Variants in TRMT44 observed in about 807,000 individuals in gnomAD.
TRMT44 encodes tRNA methyltransferase 44 homolog, also known as probable tRNA (uracil-O(2)-)-methyltransferase.
TRMT44 carries 78 observed loss-of-function variants against 77.3 expected under a neutral mutation model. The observed-to-expected ratio is 1.01, with a 90% CI of 0.84 to 1.22. TRMT44 has a LOEUF of 1.22. TRMT44 is among the 50% of genes most tolerant of loss of function. TRMT44 has a pLI of 0.00. For synonymous variants in TRMT44, 391 were observed against 383.3 expected (o/e 1.02, Z -0.23); for missense variants, 1,090 against 964.4 (o/e 1.13, Z -1.73).
At chr4:8,497,358 G>A (rs1728177364), downstream of TRMT44, among the ~76,000 whole-genome samples, 1 of 152,190 alleles carries the variant, frequency 6.6e-6, no homozygotes, top group Non-Finnish European at 1.5e-5. Flanking sequence ...TAAAAACCCT[G>A]CTCTGGGCCG....
rs375450341 is a variant in TRMT44, at chr4:8,471,119, G to C, written c.1963G>C (p.Asp655His). 6.2e-7 allele frequency: 1 copy of C among 1,608,008 alleles called. No individual in the cohort carries two copies. Among genetic ancestry groups the C allele is most frequent in the African/African-American group, 1.3e-5 (1 of 74,420 alleles). Residue 655 changes from aspartate (D) to histidine (H), a missense_variant, in exon 10 of 11, where the codon GAC (aspartate) becomes CAC (histidine). Transcript: ENST00000389737. ...LSLAEVANEL[D>H]TETLRRLKRE... The stretch of plus-strand genomic sequence containing the variant: ...TCTGGCAGAAGTAGCCAACGAGCTG[G>C]ACACGGAGACCCTGCGGAGGCTGAA...
rs1410904395 is a variant in TRMT44, at chr4:8,441,323, C to T, written c.501C>T (p.Ser167=). 6 of 1,535,314 alleles carry T rather than the reference C, an allele frequency of 3.9e-6. No homozygotes were observed. Among genetic ancestry groups the T allele is most frequent in the East Asian group, 2.4e-5 (1 of 40,910 alleles). Residue 167 remains serine (S), a synonymous_variant, in exon 1 of 11, where the codon TCC becomes TCT. Coordinates refer to ENST00000389737, the MANE Select transcript of TRMT44 (RefSeq NM_152544.3). Reference sequence around the variant, plus strand: ...AGTTGCTGGCCTTCCTCACCAGCTCCGGGGCGGGATCGCAGCCAGAGGCGC... The same window carrying T: ...AGTTGCTGGCCTTCCTCACCAGCTCTGGGGCGGGATCGCAGCCAGAGGCGC... ...NSELLAFLTS[S]GAGSQPEAQR...
At chr4:8,516,541 A>G in the TRMT44 span, among the ~76,000 whole-genome samples, 1 of 152,142 alleles carries the variant, frequency 6.6e-6, no homozygotes, top group Non-Finnish European at 1.5e-5. Context: ...GCACTTTCGG[A>G]GGTCAAGGTG....
chr4:8,477,089 A>G (rs1243756739), downstream of TRMT44: 1 of 152,248 alleles, frequency 6.6e-6, no homozygotes, highest in Non-Finnish European at 1.5e-5. Context: ...ACAAAAGGTC[A>G]CATGCAGTCC....
chr4:8,476,083 C>G lies in TRMT44; in HGVS notation c.*82C>G. 1.5e-6 allele frequency: 2 copies of G among 1,306,286 alleles called. No individual in the cohort carries two copies. Among genetic ancestry groups the G allele is most frequent in the Non-Finnish European group, 2.1e-6 (2 of 935,330 alleles). The allele number at this position is 1,306,286 out of a possible 1,614,324, so 80.9% of individuals were successfully genotyped here. A position where few individuals can be genotyped will look rare whatever the true frequency, so the allele number is the denominator to read the frequency against. The stretch of plus-strand genomic sequence containing the variant: ...CCAGCAGTCGTCAGTGCTGTGGTCT[C>G]TGCTCTGGCTGTGTTTCAGCCCACC... On this transcript the variant is annotated 3_prime_UTR_variant, in exon 11 of 11. Coordinates refer to ENST00000389737, the MANE Select transcript of TRMT44 (RefSeq NM_152544.3).
chr4:8,504,998 C>G, the TRMT44 span, among the ~76,000 whole-genome samples: 3 of 152,166 alleles, frequency 2.0e-5, no homozygotes, highest in East Asian at 3.9e-4. This position sits in a 1 kb window ranked among gnomAD's most constrained non-coding sequence, Gnocchi z 5.3. Context: ...CCCCTGCATG[C>G]TGCCCCCAGC....
chr4:8,457,454 CTTGAG>C (rs1436207071), intron 6 of TRMT44, among the ~76,000 whole-genome samples: 31 of 152,192 alleles, frequency 2.0e-4, no homozygotes, highest in Admixed American at 1.8e-3. Context: ...CCCAGAACCT[CTTGAG>C]TTAACACCAA....
At chr4:8,460,107 T>C (rs1420662119) in intron 6 of TRMT44, among the ~76,000 whole-genome samples, 1 of 152,214 alleles carries the variant, frequency 6.6e-6, no homozygotes, top group African/African-American at 2.4e-5. Flanking sequence ...AGTAGCTTGC[T>C]TCTCCTGGTA....
intron 10 of TRMT44, among the ~76,000 whole-genome samples, chr4:8,474,037 G>A (rs1262395083): frequency 2.6e-5 from 4 of 152,234 alleles, no homozygotes; most frequent in Non-Finnish European, 5.9e-5. Context: ...CCGGAGCCGC[G>A]TGGGAGGGCC....
chr4:8,442,820 G>A (rs1394873408), intron 1 of TRMT44, among the ~76,000 whole-genome samples: 5 of 152,300 alleles, frequency 3.3e-5, no homozygotes, highest in South Asian at 2.1e-4. Context: ...GAATCTCTCT[G>A]CCTTCCTCTC....
intron 2 of TRMT44, among the ~76,000 whole-genome samples, chr4:8,490,987 G>C (rs187809865): frequency 2.0e-5 from 3 of 151,906 alleles, no homozygotes; most frequent in East Asian, 1.9e-4. Context: ...AGAGAGTGTC[G>C]ACTGGTGCAT....
At position 8,461,896 on chromosome 4, in the gene TRMT44, G is replaced by A. The variant is rs187501888; in HGVS notation, c.1204-2089G>A. On this transcript the variant is annotated intron_variant, in intron 6 of 10. Coordinates refer to ENST00000389737, the MANE Select transcript of TRMT44 (RefSeq NM_152544.3). The surrounding 1 kb of genome is among the most constrained non-coding windows in gnomAD (Gnocchi z 4.6). ...CCAGCTGCAGTTGAGTGGTTTCCAC[G>A]AACAGGTACAATCTAGAAAGTCAAA... is the stretch of plus-strand genomic sequence containing the variant. Among the ~76,000 whole-genome samples, 28 of 152,234 alleles carry A rather than the reference G, an allele frequency of 1.8e-4. 1 individual carries two copies. Among genetic ancestry groups the A allele is most frequent in the South Asian group, 1.7e-3 (8 of 4,830 alleles).
chr4:8,490,319 C>T (rs1727957561), intron 2 of TRMT44, among the ~76,000 whole-genome samples: 1 of 152,228 alleles, frequency 6.6e-6, no homozygotes, highest in Non-Finnish European at 1.5e-5. Flanking sequence ...GTGAGTGTTA[C>T]AGCTCTTAAG....
chr4:8,463,832 T>TC (rs1286608151), intron 6 of TRMT44, among the ~76,000 whole-genome samples, 153 bp from the exon 7 acceptor site: 1 of 152,014 alleles, frequency 6.6e-6, no homozygotes, highest in Non-Finnish European at 1.5e-5. Context: ...TACATTGACT[T>TC]CCCCGCTCTT....
chr4:8,503,615 G>T, the TRMT44 span, among the ~76,000 whole-genome samples: 1 of 152,232 alleles, frequency 6.6e-6, no homozygotes, highest in African/African-American at 2.4e-5. Context: ...TCAGCACCCA[G>T]TAAGGTGCAG....
At chr4:8,495,496 T>C (rs1176381514), downstream of TRMT44, among the ~76,000 whole-genome samples, 1 of 152,182 alleles carries the variant, frequency 6.6e-6, no homozygotes, top group Non-Finnish European at 1.5e-5. Context: ...GGTGATGAAG[T>C]GGAGCTTTCA....
chr4:8,506,267 C>T, the TRMT44 span, among the ~76,000 whole-genome samples: 1 of 152,204 alleles, frequency 6.6e-6, no homozygotes, highest in African/African-American at 2.4e-5. Flanking sequence ...GGGGCTGTGC[C>T]CTGCTGACAC....
chr4:8,471,015 C>G, intron 9 of TRMT44, 69 bp from the exon 10 acceptor site: 1 of 1,088,054 alleles, frequency 9.2e-7, no homozygotes, highest in Non-Finnish European at 1.4e-6. Flanking sequence ...TGGACTGTTT[C>G]TGCCTGTGTG....
chr4:8,513,464 T>A, the TRMT44 span, among the ~76,000 whole-genome samples: 2 of 152,206 alleles, frequency 1.3e-5, no homozygotes, highest in African/African-American at 4.8e-5. Flanking sequence ...AAGGTGAGAT[T>A]TGGATGAGGA....
Sources: gnomAD v4.1 joint callset for allele counts (sites outside exome capture counted in the v4.1 genomes callset) on GRCh38, gnomAD v4.1.1 for gene constraint, Gnocchi (gnomAD v3.1) non-coding constraint, MANE v1.5 for transcripts, NCBI Gene and HGNC (gene_info 2026-07-23, HGNC 2026-07-21) for gene names.